CDH9: variants seen among roughly 807,000 people sequenced by gnomAD.
CDH9 encodes the protein cadherin 9.
A neutral mutation model predicts 70.9 loss-of-function variants in CDH9; 28 were observed. The observed-to-expected ratio is 0.40, with a 90% CI of 0.29 to 0.54. The LOEUF is 0.54. Ranked by LOEUF, CDH9 falls within the 20% of genes least tolerant of loss-of-function variation. The probability of loss-of-function intolerance (pLI) is 0.59; values close to 1 mark genes in which losing one functional copy is unlikely to be tolerated. For missense variants in CDH9, 874 were observed against 984.4 expected (o/e 0.89, Z 1.50); for synonymous variants, 409 against 343.1 (o/e 1.19, Z -2.12).
At chr5:27,004,257 G>A (rs1215439327) in intron 1 of CDH9, among the ~76,000 whole-genome samples, 1 of 152,020 alleles carries the variant, frequency 6.6e-6, no homozygotes, top group African/African-American at 2.4e-5. Flanking sequence ...GTGAGAGAAG[G>A]TGGGTGGAGA....
intron 1 of CDH9, among the ~76,000 whole-genome samples, chr5:27,024,693 T>C (rs1743192884): frequency 6.6e-6 from 1 of 152,112 alleles, no homozygotes; most frequent in African/African-American, 2.4e-5. Flanking sequence ...ATTATCTACA[T>C]TTTTGCATGA....
chr5:26,954,840 G>C (rs1741917516), intron 2 of CDH9, among the ~76,000 whole-genome samples: 1 of 152,132 alleles, frequency 6.6e-6, no homozygotes, highest in African/African-American at 2.4e-5. Flanking sequence ...AATGCAGACT[G>C]TGTCACGTAT....
intron 7 of CDH9, among the ~76,000 whole-genome samples, chr5:26,893,913 C>A (rs753462478): frequency 5.1e-4 from 78 of 152,190 alleles, no homozygotes; most frequent in Middle Eastern, 6.8e-3. Flanking sequence ...AACCCTTTCA[C>A]AATTCCTGAT....
chr5:27,031,110 A>T (rs1743303845), intron 1 of CDH9, among the ~76,000 whole-genome samples: 1 of 151,732 alleles, frequency 6.6e-6, no homozygotes, highest in African/African-American at 2.4e-5. Flanking sequence ...TGCTTAACAT[A>T]AGCCAAAAAC....
chr5:26,889,707 G>T, intron 9 of CDH9, 129 bp downstream of exon 9: 2 of 569,240 alleles, frequency 3.5e-6, no homozygotes, highest in Non-Finnish European at 6.1e-6. Flanking sequence ...CTTTGTTAAG[G>T]ATAAATGGTG....
At chr5:26,978,597 C>A in intron 2 of CDH9, among the ~76,000 whole-genome samples, 1 of 150,268 alleles carries the variant, frequency 6.7e-6, no homozygotes, top group African/African-American at 2.4e-5. Context: ...TTTTTAAATG[C>A]TCATTTAATT....
intron 2 of CDH9, among the ~76,000 whole-genome samples, chr5:26,982,092 T>C (rs1579492448): frequency 6.6e-6 from 1 of 152,168 alleles, no homozygotes; most frequent in Admixed American, 6.6e-5. Flanking sequence ...TAAAGGTGGA[T>C]TCGATCATCT....
chr5:26,945,039 G>A (rs1045116092), intron 2 of CDH9, among the ~76,000 whole-genome samples: 5 of 152,104 alleles, frequency 3.3e-5, no homozygotes, highest in African/African-American at 1.2e-4. Context: ...ACTCCAGTGT[G>A]TTTTAGAGTT....
At chr5:26,950,172 TTAAG>T (rs1402984762) in intron 2 of CDH9, among the ~76,000 whole-genome samples, 1 of 152,128 alleles carries the variant, frequency 6.6e-6, no homozygotes, top group Non-Finnish European at 1.5e-5. Flanking sequence ...TATAGAAGGA[TTAAG>T]TAAGACACTC....
intron 2 of CDH9, among the ~76,000 whole-genome samples, chr5:26,928,055 T>A (rs1286812989): frequency 6.6e-6 from 1 of 151,994 alleles, no homozygotes; most frequent in Non-Finnish European, 1.5e-5. Flanking sequence ...TAAGTTAAAT[T>A]ATACATATTT....
intron 9 of CDH9, among the ~76,000 whole-genome samples, chr5:26,889,555 C>T (rs1579663727): frequency 1.3e-5 from 2 of 152,146 alleles, no homozygotes; most frequent in East Asian, 3.9e-4. Flanking sequence ...ATTATGAATG[C>T]AGGTAACAGC....
At chr5:26,963,064 T>A (rs879148214) in intron 2 of CDH9, among the ~76,000 whole-genome samples, 4 of 152,194 alleles carry the variant, frequency 2.6e-5, no homozygotes, top group Admixed American at 2.0e-4. Context: ...ATGTTAGCAT[T>A]AAACAAGTTC....
chr5:26,930,094 A>G (rs1358248434), intron 2 of CDH9, among the ~76,000 whole-genome samples: 2 of 152,090 alleles, frequency 1.3e-5, no homozygotes, highest in African/African-American at 2.4e-5. Flanking sequence ...GTATCAAAAT[A>G]TCTCATGTGC....
At chr5:27,036,852 C>T (rs146767277) in intron 1 of CDH9, among the ~76,000 whole-genome samples, 1 of 151,922 alleles carries the variant, frequency 6.6e-6, no homozygotes. Flanking sequence ...AAACCCATAA[C>T]ATATTTGGTG....
At chr5:26,967,632 G>A (rs1458987140) in intron 2 of CDH9, among the ~76,000 whole-genome samples, 1 of 151,942 alleles carries the variant, frequency 6.6e-6, no homozygotes, top group African/African-American at 2.4e-5. Flanking sequence ...CTGATGAATA[G>A]AGCTTACATT....
At chr5:26,993,082 C>T (rs928940024) in intron 1 of CDH9, among the ~76,000 whole-genome samples, 1 of 94,656 alleles carries the variant, frequency 1.1e-5, no homozygotes, top group Non-Finnish European at 2.1e-5. Context: ...ACCTGGGCAA[C>T]AAGGGTGAAA....
intron 7 of CDH9, among the ~76,000 whole-genome samples, chr5:26,896,100 T>C (rs1740745290): frequency 6.6e-6 from 1 of 152,004 alleles, no homozygotes; most frequent in Non-Finnish European, 1.5e-5. Context: ...CTCCTTATAA[T>C]AATCTTGAGA....
chr5:26,939,115 T>C (rs1411967672), intron 2 of CDH9, among the ~76,000 whole-genome samples: 2 of 151,862 alleles, frequency 1.3e-5, no homozygotes, highest in Non-Finnish European at 1.5e-5. Flanking sequence ...TGGAAGGAAA[T>C]GTTTAATATT....
chr5:26,940,747 G>A (rs1741646409), intron 2 of CDH9, among the ~76,000 whole-genome samples: 1 of 152,186 alleles, frequency 6.6e-6, no homozygotes, highest in South Asian at 2.1e-4. Context: ...AAACAACATA[G>A]AACAGTGGAA....
Sources: gnomAD v4.1 joint callset for allele counts (sites outside exome capture counted in the v4.1 genomes callset) on GRCh38, gnomAD v4.1.1 for gene constraint, MANE v1.5 for transcripts, NCBI Gene and HGNC (gene_info 2026-07-23, HGNC 2026-07-21) for gene names.